NAV1: variants seen among roughly 807,000 people sequenced by gnomAD.
The protein encoded by NAV1 is neuron navigator 1, also known as pore membrane and/or filament interacting like protein 3.
NAV1 carries 18 observed loss-of-function variants against 175.2 expected under a neutral mutation model. The ratio of observed to expected loss-of-function variants is 0.10; its 90% CI spans 0.07 to 0.15. The LOEUF is 0.15. Ranked by LOEUF, NAV1 falls within the 10% of genes least tolerant of loss-of-function variation. NAV1 has a pLI of 1.00. For missense variants in NAV1, 1,731 were observed against 2,436.6 expected, an observed-to-expected ratio of 0.71 and a Z score of 6.10; for synonymous variants, 897 against 978.7, an observed-to-expected ratio of 0.92 and a Z score of 1.56.
At chr1:201,671,607 C>T (rs185873857) in intron 1 of NAV1, among the ~76,000 whole-genome samples, 25 of 152,298 alleles carry the variant, frequency 1.6e-4, no homozygotes, top group Non-Finnish European at 2.5e-4. Context: ...AAAAGCTGTG[C>T]GGAGGACCAA....
intron 1 of NAV1, among the ~76,000 whole-genome samples, chr1:201,674,317 G>A (rs1056491676): frequency 6.6e-6 from 1 of 152,248 alleles, no homozygotes; most frequent in Admixed American, 6.5e-5. Flanking sequence ...GGTGGGGGAT[G>A]TCTGCCGCAG....
At chr1:201,593,231 C>T (rs1301982563) in intron 2 of NAV1, among the ~76,000 whole-genome samples, 1 of 152,188 alleles carries the variant, frequency 6.6e-6, no homozygotes, top group African/African-American at 2.4e-5. Context: ...CTTTTCCAGC[C>T]CCATCGTCTC....
chr1:201,654,417 C>A (rs1209069771), intron 1 of NAV1, among the ~76,000 whole-genome samples: 1 of 149,648 alleles, frequency 6.7e-6, no homozygotes, highest in Non-Finnish European at 1.5e-5. Context: ...TACCACCCAC[C>A]CCCATCACAA....
intron 1 of NAV1, among the ~76,000 whole-genome samples, chr1:201,652,937 C>G (rs1381891055): frequency 6.6e-6 from 1 of 152,156 alleles, no homozygotes; most frequent in African/African-American, 2.4e-5. Context: ...TAAACGTGCT[C>G]AGAACACTTA....
At chr1:201,780,799 T>TA (rs550181908) in intron 4 of NAV1, among the ~76,000 whole-genome samples, 30 of 151,084 alleles carry the variant, frequency 2.0e-4, no homozygotes, top group Non-Finnish European at 1.2e-4. Flanking sequence ...TCTAGAGTGA[T>TA]ACATGTAAGA....
chr1:201,598,048 G>T (rs561096267), intron 2 of NAV1, among the ~76,000 whole-genome samples: 1 of 152,200 alleles, frequency 6.6e-6, no homozygotes, highest in Non-Finnish European at 1.5e-5. Context: ...GATACCAGGC[G>T]CCAGGTGGCC....
intron 1 of NAV1, among the ~76,000 whole-genome samples, chr1:201,584,187 G>A (rs1666959456): frequency 1.3e-5 from 2 of 152,220 alleles, no homozygotes; most frequent in African/African-American, 2.4e-5. Flanking sequence ...AGTGGTCCAA[G>A]GTCAATCATC....
At chr1:201,803,607 A>G in exon 16 of NAV1, 1 of 1,613,650 alleles carries the variant, frequency 6.2e-7, no homozygotes, top group Non-Finnish European at 8.5e-7. Flanking sequence ...TCGGATCAAG[A>G]GACAAAACTC....
At chr1:201,735,924 T>C (rs980538662) in intron 3 of NAV1, among the ~76,000 whole-genome samples, 1 of 152,206 alleles carries the variant, frequency 6.6e-6, no homozygotes, top group Non-Finnish European at 1.5e-5. Context: ...GTTAATTCAC[T>C]GAAGTCCCTC....
At chr1:201,569,474 G>A (rs1226482840) in intron 1 of NAV1, among the ~76,000 whole-genome samples, 1 of 152,230 alleles carries the variant, frequency 6.6e-6, no homozygotes, top group Admixed American at 6.5e-5. Flanking sequence ...CACTGGAAAG[G>A]TGTCATGGAC....
At chr1:201,568,879 A>T (rs954545497) in intron 1 of NAV1, among the ~76,000 whole-genome samples, 1 of 151,594 alleles carries the variant, frequency 6.6e-6, no homozygotes, top group African/African-American at 2.4e-5. Flanking sequence ...CATGCGCAGA[A>T]GTTTGCGGGG....
chr1:201,662,213 A>T lies in NAV1; in HGVS notation c.757+12788A>T, dbSNP rs1292741054. 2.0e-5 allele frequency among the ~76,000 whole-genome samples: 3 copies of T among 152,190 alleles called. No individual in the cohort carries two copies. In the East Asian group the frequency reaches 5.8e-4, roughly 29 times the overall value. On this transcript the variant is annotated intron_variant, in intron 1 of 29. Transcript: ENST00000367296. Reference sequence around the variant, plus strand: ...CTTTTATTCTAAACAGGGTGGACCCACTCTGACGTTTCCTATAAGAGTTTA... The same window carrying T: ...CTTTTATTCTAAACAGGGTGGACCCTCTCTGACGTTTCCTATAAGAGTTTA...
chr1:201,675,225 G>A (rs1670200954), intron 1 of NAV1, among the ~76,000 whole-genome samples: 2 of 152,070 alleles, frequency 1.3e-5, no homozygotes, highest in Admixed American at 1.3e-4. Flanking sequence ...ACACCAACAT[G>A]TCCTCCATTT....
chr1:201,566,934 A>G (rs897583859), intron 1 of NAV1, among the ~76,000 whole-genome samples: 7 of 152,142 alleles, frequency 4.6e-5, no homozygotes, highest in Non-Finnish European at 1.0e-4. Context: ...CATTTTAAAT[A>G]TTATTTCATA....
intron 13 of NAV1, chr1:201,793,185 C>T (rs1677220802): frequency 6.6e-6 from 1 of 152,504 alleles, no homozygotes; most frequent in South Asian, 2.1e-4. Flanking sequence ...CCTTTGGTAT[C>T]CTTCACTCCT....
At chr1:201,579,278 A>G (rs1666778596) in intron 1 of NAV1, among the ~76,000 whole-genome samples, 1 of 152,176 alleles carries the variant, frequency 6.6e-6, no homozygotes, top group Non-Finnish European at 1.5e-5. Flanking sequence ...TCTGGAATTT[A>G]TGAAGAAAAA....
chr1:201,592,859 G>A (rs1667240300), intron 2 of NAV1, among the ~76,000 whole-genome samples: 3 of 152,146 alleles, frequency 2.0e-5, no homozygotes, highest in African/African-American at 7.2e-5. Context: ...CGTCAGACCA[G>A]GAGCGAGTCC....
intron 2 of NAV1, among the ~76,000 whole-genome samples, chr1:201,597,968 A>G (rs368734967): frequency 3.9e-5 from 6 of 152,364 alleles, no homozygotes; most frequent in East Asian, 1.9e-4. Context: ...GTTCAGCTGC[A>G]GGATGCCTGG....
chr1:201,806,132 G>A (rs1028130887), intron 17 of NAV1, among the ~76,000 whole-genome samples: 3 of 151,784 alleles, frequency 2.0e-5, no homozygotes, highest in African/African-American at 7.3e-5. Context: ...TTACAGGCAT[G>A]CACCACCATG....
Sources: gnomAD v4.1 joint callset for allele counts (sites outside exome capture counted in the v4.1 genomes callset) on GRCh38, gnomAD v4.1.1 for gene constraint, MANE v1.5 for transcripts, NCBI Gene and HGNC (gene_info 2026-07-23, HGNC 2026-07-21) for gene names.